The following BRCA2 variants were observed in gnomAD, a reference collection of about 807,000 sequenced individuals.
The protein encoded by BRCA2 is BRCA2 DNA repair associated.
BRCA2 carries 203 observed loss-of-function variants against 276.7 expected under a neutral mutation model. That is an observed-to-expected ratio of 0.73 (90% CI 0.65 to 0.82). The LOEUF is 0.82. BRCA2 is among the 40% of genes least tolerant of loss of function. The pLI is 0.00. For synonymous variants in BRCA2, 1,289 were observed against 1,338.4 expected (o/e 0.96, Z 0.81); for missense variants, 3,920 against 3,915.0 (o/e 1.00, Z -0.03).
Position 32,337,575 on chromosome 13 carries a change from A to G in BRCA2, c.3220A>G (p.Ser1074Gly), listed in dbSNP as rs145605603. The G allele has an allele frequency of 6.2e-7, 1 of 1,601,914 alleles. No homozygotes were observed. The highest frequency in any genetic ancestry group is 1.1e-5 in the South Asian group (1 of 88,820). ...TAATACTGTATCTGCACATTTACAG[A>G]GTAGTGTAGTTGTTTCTGATTGTAA... ...SINTVSAHLQ[S>G]SVVVSDCKNS... Residue 1074 changes from serine (S) to glycine (G), a missense_variant, in exon 11 of 27, where the codon AGT (serine) becomes GGT (glycine). This residue lies in a region of BRCA2 where 3,263 missense variants were observed against 3,156.9 expected (regional missense o/e 1.03). Coordinates refer to ENST00000380152, the MANE Select transcript of BRCA2 (RefSeq NM_000059.4).
rs863224274 is a variant in BRCA2, at chr13:32,332,654, C to T, written c.1176C>T (p.Ala392=). The T allele has an allele frequency of 2.5e-6, 4 of 1,613,920 alleles. No individual in the cohort carries two copies. Among genetic ancestry groups the T allele is most frequent in the African/African-American group, 1.3e-5 (1 of 74,902 alleles). ...KISKEVVPSL[A]CEWSQLTLSG... is the part of the protein sequence containing the mutation. ...CCAAGGAAGTTGTACCGTCTTTGGC[C>T]TGTGAATGGTCTCAACTAACCCTTT... The change falls in exon 10 of 27, where the codon GCC becomes GCT. Residue 392 remains alanine (A), a synonymous_variant. Transcript: ENST00000380152.
At position 32,356,127 on chromosome 13, in the gene BRCA2, C is replaced by A. The variant is rs191742509; in HGVS notation, c.7436-301C>A. On this transcript the variant is annotated intron_variant, in intron 14 of 26. Coordinates refer to ENST00000380152, the MANE Select transcript of BRCA2 (RefSeq NM_000059.4). ...GTGCAACCTCGGCTCACCGCAACCT[C>A]CTCCTCCCGAGTTCAAGTGATTCTC... is the stretch of plus-strand genomic sequence containing the variant. Among the ~76,000 whole-genome samples, 409 of 151,526 alleles carry A rather than the reference C, an allele frequency of 2.7e-3. 3 individuals carry two copies. The highest frequency in any genetic ancestry group is 9.5e-3 in the African/African-American group (395 of 41,428).
chr13:32,371,952 T>C (rs1483140441), intron 20 of BRCA2, among the ~76,000 whole-genome samples: 2 of 152,184 alleles, frequency 1.3e-5, no homozygotes, highest in African/African-American at 2.4e-5. Context: ...CTTCAGTGAG[T>C]TGTAATATTT....
rs1400852315 is a variant in BRCA2, at chr13:32,394,672, T to C, written c.9257-17T>C. ...ACACATCTATAATAACATTCTTTTC[T>C]TTTTTTTCCATTCTAGGACTTGCCC... On this transcript the variant is annotated splice_polypyrimidine_tract_variant and intron_variant, in intron 24 of 26. Transcript: ENST00000380152. The C allele has an allele frequency of 6.2e-7, 1 of 1,605,914 alleles. No homozygotes were observed. Among genetic ancestry groups the C allele is most frequent in the Non-Finnish European group, 8.5e-7 (1 of 1,174,778 alleles).
chr13:32,396,537 T>C (rs1366870612), intron 25 of BRCA2, among the ~76,000 whole-genome samples: 1 of 152,212 alleles, frequency 6.6e-6, no homozygotes, highest in Admixed American at 6.5e-5. Context: ...CCTTTATAGA[T>C]GTGAGATGAT....
chr13:32,354,303 T>C (rs991876677), intron 13 of BRCA2, among the ~76,000 whole-genome samples: 2 of 152,134 alleles, frequency 1.3e-5, no homozygotes, highest in Admixed American at 6.5e-5. Context: ...ACATTACCTA[T>C]TGAAGAAGGT....
chr13:32,380,757 G>T (rs765321555), intron 24 of BRCA2, among the ~76,000 whole-genome samples: 2 of 151,758 alleles, frequency 1.3e-5, no homozygotes, highest in African/African-American at 2.4e-5. Flanking sequence ...AACCAGGATA[G>T]TCTAAATCTC....
chr13:32,322,542 C>T (rs1014298157), intron 3 of BRCA2, among the ~76,000 whole-genome samples: 2 of 152,318 alleles, frequency 1.3e-5, no homozygotes. Flanking sequence ...ACAGGTCGCT[C>T]ATGATAGTTT....
At chr13:32,320,606 G>C (rs1230769947) in intron 3 of BRCA2, among the ~76,000 whole-genome samples, 1 of 152,178 alleles carries the variant, frequency 6.6e-6, no homozygotes, top group African/African-American at 2.4e-5. Flanking sequence ...CCCTCGTTGA[G>C]CTTCTAGTGA....
intron 11 of BRCA2, among the ~76,000 whole-genome samples, chr13:32,344,346 G>T (rs1029103760): frequency 6.6e-6 from 1 of 152,146 alleles, no homozygotes; most frequent in Non-Finnish European, 1.5e-5. Flanking sequence ...TTAAATAGTG[G>T]TGTTTTAAAG....
At chr13:32,334,305 A>G (rs2072432513) in intron 10 of BRCA2, among the ~76,000 whole-genome samples, 1 of 152,158 alleles carries the variant, frequency 6.6e-6, no homozygotes, top group African/African-American at 2.4e-5. Context: ...TTTAATTTAA[A>G]AAGTGTTTAT....
Position 32,382,709 on chromosome 13 carries a change from A to G in BRCA2, c.9256+2564A>G, listed in dbSNP as rs553285472. On this transcript the variant is annotated intron_variant, in intron 24 of 26. Coordinates refer to ENST00000380152, the MANE Select transcript of BRCA2 (RefSeq NM_000059.4). ...TGAATCAGTAGCCAGAAGGGGAATC[A>G]GGATCAAGAGAACATTTGCTTTTTC... Among the ~76,000 whole-genome samples, 18 of 152,356 alleles carry G rather than the reference A, an allele frequency of 1.2e-4. No homozygotes were observed. In the East Asian group the frequency reaches 3.3e-3, roughly 28 times the overall value.
rs1303254121 is a variant in BRCA2, at chr13:32,336,799, T to C, written c.2444T>C (p.Met815Thr). The C allele has an allele frequency of 1.9e-6, 3 of 1,607,532 alleles. No homozygotes were observed. The highest frequency in any genetic ancestry group is 4.5e-5 in the East Asian group (2 of 44,834). Reference sequence around the variant, plus strand: ...GTTGAATTAACCAAAAATATTCCCATGGAAAAGAATCAAGATGTATGTGCT... The same window carrying C: ...GTTGAATTAACCAAAAATATTCCCACGGAAAAGAATCAAGATGTATGTGCT... Reference protein sequence around the residue: ...SDVELTKNIPMEKNQDVCALN... With the variant: ...SDVELTKNIPTEKNQDVCALN... The change falls in exon 11 of 27, where the codon ATG becomes ACG. Residue 815 changes from methionine (M) to threonine (T), a missense_variant. Met to Thr is a moderately conservative substitution (Grantham distance 81, BLOSUM62 -1). This residue lies in a region of BRCA2 where 3,263 missense variants were observed against 3,156.9 expected (regional missense o/e 1.03). Transcript: ENST00000380152.
chr13:32,319,474 G>A (rs568557503), intron 3 of BRCA2, 149 bp downstream of exon 3: 16 of 781,548 alleles, frequency 2.0e-5, no homozygotes, highest in Non-Finnish European at 3.1e-5. Context: ...AAATGGAGAC[G>A]ATGAAAATAA....
intron 24 of BRCA2, among the ~76,000 whole-genome samples, chr13:32,388,644 T>G (rs957692520): frequency 7.0e-6 from 1 of 143,750 alleles, no homozygotes; most frequent in South Asian, 2.3e-4. Context: ...GCTCAGTAGG[T>G]TAAATGTATT....
At chr13:32,362,445 C>T (rs2137575962) in intron 16 of BRCA2, 78 bp from the exon 17 acceptor site, 2 of 1,358,882 alleles carry the variant, frequency 1.5e-6, no homozygotes, top group Non-Finnish European at 1.0e-6. Flanking sequence ...AGTTTTTGTA[C>T]AGAGAATAGT....
At position 32,332,649 on chromosome 13, in the gene BRCA2, T is replaced by C. The variant is rs773412718; in HGVS notation, c.1171T>C (p.Leu391=). 1.2e-6 allele frequency: 2 copies of C among 1,614,090 alleles called. No individual in the cohort carries two copies. The highest frequency in any genetic ancestry group is 1.6e-4 in the Middle Eastern group (1 of 6,062). The change falls in exon 10 of 27, where the codon TTG becomes CTG. Residue 391 remains leucine, a synonymous_variant. Coordinates refer to ENST00000380152, the MANE Select transcript of BRCA2 (RefSeq NM_000059.4). ...DKISKEVVPS[L]ACEWSQLTLS... ...AATCTCCAAGGAAGTTGTACCGTCT[T>C]TGGCCTGTGAATGGTCTCAACTAAC...
At position 32,339,515 on chromosome 13, in the gene BRCA2, A is replaced by G. The variant is rs1555284089; in HGVS notation, c.5160A>G (p.Ser1720=). The G allele has an allele frequency of 6.3e-7, 1 of 1,591,372 alleles. No individual in the cohort carries two copies. The highest frequency in any genetic ancestry group is 1.8e-5 in the Admixed American group (1 of 55,036). Residue 1720 remains serine (S), a synonymous_variant, in exon 11 of 27, where the codon TCA becomes TCG. Coordinates refer to ENST00000380152, the MANE Select transcript of BRCA2 (RefSeq NM_000059.4). Reference sequence around the variant, plus strand: ...GAAATTATTTGTATGAAAATAATTCAAACAGTACTATAGCTGAAAATGACA... The same window carrying G: ...GAAATTATTTGTATGAAAATAATTCGAACAGTACTATAGCTGAAAATGACA... ...YVGNYLYENN[S]NSTIAENDKN...
chr13:32,397,107 G>A (rs2073042588), intron 26 of BRCA2, 63 bp downstream of exon 26: 3 of 1,513,536 alleles, frequency 2.0e-6, no homozygotes, highest in South Asian at 2.3e-5. Context: ...CGTATATTCT[G>A]TTGTATACCT....
Sources: allele counts gnomAD v4.1 joint callset (sites outside exome capture counted in the v4.1 genomes callset), GRCh38; gene constraint gnomAD v4.1.1; regional missense constraint gnomAD v4.1.1; transcripts MANE v1.5; gene names NCBI Gene and HGNC (gene_info 2026-07-23, HGNC 2026-07-21).